FNDC3B: variants seen among roughly 807,000 people sequenced by gnomAD.
The protein encoded by FNDC3B is fibronectin type III domain-containing protein 3B.
In FNDC3B, 12 loss-of-function variants were observed where a neutral mutation model predicts 151.5. The observed-to-expected ratio is 0.08, with a 90% CI of 0.05 to 0.13. The LOEUF is 0.13. FNDC3B is among the 10% of genes least tolerant of loss of function. The probability of loss-of-function intolerance (pLI) is 1.00; values close to 1 mark genes in which losing one functional copy is unlikely to be tolerated. For synonymous variants in FNDC3B, 528 were observed against 549.0 expected (o/e 0.96, Z 0.54); for missense variants, 1,214 against 1,505.3 (o/e 0.81, Z 3.20).
At chr3:172,313,006 CT>C (rs1007617121) in intron 11 of FNDC3B, among the ~76,000 whole-genome samples, 1 of 152,154 alleles carries the variant, frequency 6.6e-6, no homozygotes, top group Non-Finnish European at 1.5e-5. Context: ...TGCCCTCTAC[CT>C]TTCTCCTACT....
At chr3:172,292,469 A>T (rs568326502) in intron 7 of FNDC3B, among the ~76,000 whole-genome samples, 2 of 152,352 alleles carry the variant, frequency 1.3e-5, no homozygotes, top group South Asian at 4.1e-4. Flanking sequence ...TAATAATTTA[A>T]CCAAGTCCTA....
intron 1 of FNDC3B, among the ~76,000 whole-genome samples, chr3:172,101,494 C>G (rs904441895): frequency 6.6e-6 from 1 of 152,242 alleles, no homozygotes; most frequent in South Asian, 2.1e-4. Flanking sequence ...GGTTGATTAC[C>G]TTTTTTCAAG....
intron 3 of FNDC3B, among the ~76,000 whole-genome samples, chr3:172,169,851 T>C (rs1383946848): frequency 3.9e-5 from 6 of 152,250 alleles, no homozygotes; most frequent in African/African-American, 1.4e-4. Flanking sequence ...CATGTGTCTT[T>C]ACATTTTATG....
chr3:172,293,860 A>G (rs1240205809), intron 7 of FNDC3B, among the ~76,000 whole-genome samples: 1 of 152,256 alleles, frequency 6.6e-6, no homozygotes, highest in Non-Finnish European at 1.5e-5. Context: ...AGTATTTAAT[A>G]ATTCCAATAA....
chr3:172,126,225 AT>A (rs1720803430), intron 2 of FNDC3B, among the ~76,000 whole-genome samples: 4 of 152,086 alleles, frequency 2.6e-5, no homozygotes, highest in Non-Finnish European at 4.4e-5. Flanking sequence ...CGTGCATAGA[AT>A]CGGCTGTGTG....
At chr3:172,181,262 T>A (rs1723874798) in intron 3 of FNDC3B, among the ~76,000 whole-genome samples, 2 of 151,324 alleles carry the variant, frequency 1.3e-5, no homozygotes, top group African/African-American at 4.9e-5. Context: ...TGGCTGGGTG[T>A]GGTGGCGTGT....
intron 8 of FNDC3B, among the ~76,000 whole-genome samples, chr3:172,296,096 A>C (rs950479081): frequency 1.3e-5 from 2 of 152,184 alleles, no homozygotes; most frequent in African/African-American, 4.8e-5. Flanking sequence ...CTGTGTTCTA[A>C]ATGTGAGAAA....
intron 3 of FNDC3B, among the ~76,000 whole-genome samples, chr3:172,194,618 G>C (rs188381489): frequency 1.3e-5 from 2 of 152,274 alleles, no homozygotes; most frequent in East Asian, 3.9e-4. Context: ...CATATACATA[G>C]CTTCACATTA....
At chr3:172,244,000 T>G (rs962012003) in intron 4 of FNDC3B, among the ~76,000 whole-genome samples, 2 of 152,150 alleles carry the variant, frequency 1.3e-5, no homozygotes, top group African/African-American at 4.8e-5. Context: ...TGGAAAAAAT[T>G]TAGATGAAGA....
chr3:172,297,543 T>C (rs1305425608), intron 8 of FNDC3B, among the ~76,000 whole-genome samples: 28 of 152,254 alleles, frequency 1.8e-4, no homozygotes, highest in South Asian at 4.1e-4. Context: ...GGCACTATCT[T>C]GGCTCACTGC....
chr3:172,175,765 A>G (rs1228201949), intron 3 of FNDC3B, among the ~76,000 whole-genome samples: 1 of 152,192 alleles, frequency 6.6e-6, no homozygotes, highest in Non-Finnish European at 1.5e-5. Flanking sequence ...AGAACCTTGT[A>G]CCGCGTTGGA....
In FNDC3B at chr3:172,319,396, T is replaced by TA. The variant is rs554462137; in HGVS notation, c.1254+8516dup. On this transcript the variant is annotated intron_variant, in intron 11 of 25. Coordinates refer to ENST00000415807, the MANE Select transcript of FNDC3B (RefSeq NM_022763.4). ...AGATGAACCTCAATATTTGGAGAAA[T>TA]ACATAGGAAAATTTTCTTTGTGTGT... Among the ~76,000 whole-genome samples the TA allele has an allele frequency of 3.8e-3, 582 of 152,268 alleles. 1 individual carries two copies. The highest frequency in any genetic ancestry group is 0.013 in the African/African-American group (534 of 41,550).
chr3:172,052,735 T>C (rs946022449), intron 1 of FNDC3B, among the ~76,000 whole-genome samples: 1 of 152,180 alleles, frequency 6.6e-6, no homozygotes, highest in African/African-American at 2.4e-5. Context: ...GTGAATTATA[T>C]GATCAGACAA....
In FNDC3B at chr3:172,228,726, G is replaced by A. The variant is rs148525780; in HGVS notation, c.264+1779G>A. On this transcript the variant is annotated intron_variant, in intron 4 of 25. Coordinates refer to ENST00000415807, the MANE Select transcript of FNDC3B (RefSeq NM_022763.4). Reference sequence around the variant, plus strand: ...ACAATATTGGAAGAATAGTTAAAATGGAATAATTTGAATTGAAAAAGGGAA... The same window carrying A: ...ACAATATTGGAAGAATAGTTAAAATAGAATAATTTGAATTGAAAAAGGGAA... Among the ~76,000 whole-genome samples, 618 of 152,228 alleles carry A rather than the reference G, an allele frequency of 4.1e-3. 2 individuals carry two copies. The highest frequency in any genetic ancestry group is 7.0e-3 in the South Asian group (34 of 4,824).
chr3:172,257,359 T>A (rs1728405348), intron 6 of FNDC3B, among the ~76,000 whole-genome samples: 1 of 152,236 alleles, frequency 6.6e-6, no homozygotes, highest in Admixed American at 6.5e-5. Flanking sequence ...TGTAAGATTT[T>A]AAATAATCGG....
chr3:172,191,115 C>T (rs900689680), intron 3 of FNDC3B, among the ~76,000 whole-genome samples: 6 of 152,098 alleles, frequency 3.9e-5, no homozygotes, highest in Admixed American at 6.5e-5. Context: ...ATGTTCCAGA[C>T]GAAGAGACTA....
At chr3:172,120,416 G>A (rs934562493) in intron 2 of FNDC3B, among the ~76,000 whole-genome samples, 1 of 151,984 alleles carries the variant, frequency 6.6e-6, no homozygotes, top group Non-Finnish European at 1.5e-5. Flanking sequence ...GGGTGGGTAG[G>A]GACTGTCCCT....
intron 8 of FNDC3B, among the ~76,000 whole-genome samples, chr3:172,297,760 C>T (rs1730710591): frequency 8.0e-6 from 1 of 125,464 alleles, no homozygotes; most frequent in South Asian, 2.8e-4. Flanking sequence ...AGGCGTGAGC[C>T]ACCGCGCCCG....
intron 7 of FNDC3B, among the ~76,000 whole-genome samples, chr3:172,292,671 A>G (rs1222210711): frequency 6.6e-6 from 1 of 152,190 alleles, no homozygotes; most frequent in Non-Finnish European, 1.5e-5. Flanking sequence ...GCAGCCACTT[A>G]TCACCTTGGC....
Sources: gnomAD v4.1 joint callset for allele counts (sites outside exome capture counted in the v4.1 genomes callset) on GRCh38, gnomAD v4.1.1 for gene constraint, MANE v1.5 for transcripts, NCBI Gene and HGNC (gene_info 2026-07-23, HGNC 2026-07-21) for gene names.